SLC39A11: variants seen among roughly 807,000 people sequenced by gnomAD.
The protein encoded by SLC39A11 is solute carrier family 39 member 11.
Under a neutral mutation model 36.1 loss-of-function variants are expected in SLC39A11, and 33 were observed. That is an observed-to-expected ratio of 0.91 (90% confidence interval 0.69 to 1.22). The LOEUF (loss-of-function observed/expected upper bound fraction) is 1.22, where lower values mean the gene tolerates loss of function less well. Among genes scored for constraint, SLC39A11 ranks in the 50% most tolerant of loss-of-function variants. The pLI is 0.00. For synonymous variants in SLC39A11, 166 were observed against 170.3 expected (o/e 0.97, Z 0.20); for missense variants, 432 against 430.3 (o/e 1.00, Z -0.03).
intron 7 of SLC39A11, among the ~76,000 whole-genome samples, chr17:72,678,991 C>T (rs917231065): frequency 2.0e-5 from 3 of 152,070 alleles, no homozygotes; most frequent in African/African-American, 7.2e-5. Flanking sequence ...GAACTGGAGG[C>T]CATTATGTTA....
intron 4 of SLC39A11, among the ~76,000 whole-genome samples, chr17:72,980,393 C>T (rs965913664): frequency 6.6e-6 from 1 of 152,156 alleles, no homozygotes; most frequent in African/African-American, 2.4e-5. Flanking sequence ...TACTGGGAGA[C>T]GCGATGAGTA....
intron 6 of SLC39A11, among the ~76,000 whole-genome samples, chr17:72,838,397 T>G (rs2078664411): frequency 6.6e-6 from 1 of 151,904 alleles, no homozygotes; most frequent in East Asian, 1.9e-4. Context: ...CCTGGCTAGT[T>G]TTTTAATTTT....
intron 7 of SLC39A11, among the ~76,000 whole-genome samples, chr17:72,688,579 T>C (rs1194745731): frequency 6.6e-6 from 1 of 152,192 alleles, no homozygotes; most frequent in Non-Finnish European, 1.5e-5. Context: ...TCCCCAAGTT[T>C]AACAGGACTT....
At chr17:72,748,055 C>T (rs776419392) in intron 6 of SLC39A11, among the ~76,000 whole-genome samples, 9 of 152,214 alleles carry the variant, frequency 5.9e-5, no homozygotes, top group Non-Finnish European at 1.3e-4. Flanking sequence ...GGTGCAGTGG[C>T]TCACGCCTGT....
rs12450738 is a variant in SLC39A11, at chr17:72,989,125, T to G, written c.307-41250A>C. On this transcript the variant is annotated intron_variant, in intron 4 of 9. Transcript: ENST00000255559. ...CGTATTTATTAACACTACTGAACTG[T>G]GCACGTAAAAATGGTTATGCTGGTC... Among the ~76,000 whole-genome samples, 615 of 152,348 alleles carry G rather than the reference T, an allele frequency of 4.0e-3. 13 individuals are homozygous for G. In the East Asian group the frequency reaches 0.069, roughly 17 times the overall value.
chr17:72,930,445 G>C (rs1468071640), intron 5 of SLC39A11, among the ~76,000 whole-genome samples: 1 of 152,216 alleles, frequency 6.6e-6, no homozygotes, highest in Non-Finnish European at 1.5e-5. Flanking sequence ...TGTCCAGCCT[G>C]AGACAGGTCT....
chr17:73,017,149 A>G (rs1350508248), intron 4 of SLC39A11, among the ~76,000 whole-genome samples: 2 of 152,216 alleles, frequency 1.3e-5, no homozygotes, highest in African/African-American at 2.4e-5. Context: ...ATGAGGCCAA[A>G]AACACCTGCA....
chr17:72,861,740 TTATATATATATATATATATA>T (rs71945815), intron 5 of SLC39A11, among the ~76,000 whole-genome samples: 870 of 67,314 alleles, frequency 0.013, 36 homozygotes, highest in African/African-American at 0.036. Context: ...ACATTGGAGA[TTATATATATATATATATATA>T]TATATATATA....
intron 7 of SLC39A11, among the ~76,000 whole-genome samples, chr17:72,686,817 C>G (rs2071773740): frequency 6.6e-6 from 1 of 152,192 alleles, no homozygotes. Flanking sequence ...ATCTTCTAAA[C>G]AGGGGCGTAA....
At chr17:72,678,068 G>T (rs545944374) in intron 7 of SLC39A11, among the ~76,000 whole-genome samples, 4 of 152,028 alleles carry the variant, frequency 2.6e-5, no homozygotes, top group African/African-American at 7.2e-5. Flanking sequence ...AGAAGCAGAG[G>T]GTCCATGTTT....
intron 6 of SLC39A11, among the ~76,000 whole-genome samples, chr17:72,819,984 C>G (rs1173394495): frequency 1.3e-5 from 2 of 151,220 alleles, no homozygotes; most frequent in East Asian, 3.9e-4. Context: ...TCTACACATT[C>G]TTAAGGGGAC....
intron 3 of SLC39A11, among the ~76,000 whole-genome samples, chr17:73,063,421 C>T (rs1021844609): frequency 2.0e-5 from 3 of 152,042 alleles, no homozygotes; most frequent in Non-Finnish European, 2.9e-5. Context: ...AAGACTTTAA[C>T]GAATTGTGTC....
intron 3 of SLC39A11, among the ~76,000 whole-genome samples, chr17:73,064,313 C>G (rs547560549): frequency 6.6e-6 from 1 of 150,910 alleles, no homozygotes; most frequent in African/African-American, 2.5e-5. Context: ...AGATCAGCTT[C>G]CACCAACAAG....
intron 6 of SLC39A11, among the ~76,000 whole-genome samples, chr17:72,787,662 C>T (rs945906370): frequency 6.6e-6 from 1 of 152,210 alleles, no homozygotes; most frequent in Non-Finnish European, 1.5e-5. Flanking sequence ...CTATCATATA[C>T]TCAGCCAACA....
At chr17:72,947,648 C>A in intron 5 of SLC39A11, 104 bp downstream of exon 5, 1 of 1,534,962 alleles carries the variant, frequency 6.5e-7, no homozygotes, top group Admixed American at 1.7e-5. Flanking sequence ...ACAGTGCTGG[C>A]ATTTCTCTCA....
chr17:72,786,533 T>C (rs749630160), intron 6 of SLC39A11, among the ~76,000 whole-genome samples: 106 of 152,216 alleles, frequency 7.0e-4, no homozygotes, highest in Non-Finnish European at 1.2e-3. Flanking sequence ...CCCCAAATGT[T>C]CAGCTTGTTA....
At chr17:72,717,953 C>T (rs564469027) in intron 7 of SLC39A11, among the ~76,000 whole-genome samples, 5 of 152,306 alleles carry the variant, frequency 3.3e-5, no homozygotes, top group Non-Finnish European at 5.9e-5. Flanking sequence ...TTCCTGCCCC[C>T]GGTATCTCAC....
Position 73,049,365 on chromosome 17 carries a change from C to T in SLC39A11, c.148-17651G>A, listed in dbSNP as rs370989839. Among the ~76,000 whole-genome samples, 644 of 150,884 alleles carry T rather than the reference C, an allele frequency of 4.3e-3. 3 individuals carry two copies. Among genetic ancestry groups the T allele is most frequent in the Middle Eastern group, 6.8e-3 (2 of 292 alleles). ...AGGGTTGGGACCAGGAGCAGCTGGGCGGATGCGCCTTCCAGGGCAGGAGCA... is the reference window on the plus strand; with the variant it reads ...AGGGTTGGGACCAGGAGCAGCTGGGTGGATGCGCCTTCCAGGGCAGGAGCA... On this transcript the variant is annotated intron_variant, in intron 3 of 9. Coordinates refer to ENST00000255559, the MANE Select transcript of SLC39A11 (RefSeq NM_139177.4).
intron 7 of SLC39A11, among the ~76,000 whole-genome samples, chr17:72,723,815 G>C (rs1008623515): frequency 1.3e-5 from 2 of 152,134 alleles, no homozygotes; most frequent in African/African-American, 4.8e-5. Context: ...ATTCAACCCA[G>C]AGATTCACAA....
Sources: allele counts gnomAD v4.1 joint callset (sites outside exome capture counted in the v4.1 genomes callset), GRCh38; gene constraint gnomAD v4.1.1; transcripts MANE v1.5; gene names NCBI Gene and HGNC (gene_info 2026-07-23, HGNC 2026-07-21).